CSPP1: variants seen among roughly 807,000 people sequenced by gnomAD.
The protein encoded by CSPP1 is centrosome and spindle pole associated protein 1.
CSPP1 carries 126 observed loss-of-function variants against 164.4 expected under a neutral mutation model. That is an observed-to-expected ratio of 0.77 (90% CI 0.66 to 0.89). CSPP1 has a LOEUF of 0.89. Among genes scored for constraint, CSPP1 ranks in the 40% least tolerant of loss-of-function variants. The pLI, the probability that CSPP1 is intolerant of heterozygous loss-of-function variation, is 0.00. For synonymous variants in CSPP1, 472 were observed against 476.7 expected (o/e 0.99, Z 0.13); for missense variants, 1,395 against 1,449.8 (o/e 0.96, Z 0.61).
Position 67,064,545 on chromosome 8 carries a change from C to T in CSPP1, c.-11+7C>T, listed in dbSNP as rs755924670. Reference sequence around the variant, plus strand: ...GGGGAGCGTGAGTGGCGAGGTGTGGCCTGGGGTGGTGTAGGTTGAGGGTGG... The same window carrying T: ...GGGGAGCGTGAGTGGCGAGGTGTGGTCTGGGGTGGTGTAGGTTGAGGGTGG... On this transcript the variant is annotated splice_region_variant and intron_variant, in intron 1 of 30. Transcript: ENST00000678616. 5.0e-6 allele frequency: 8 copies of T among 1,602,600 alleles called. No individual in the cohort carries two copies. In the East Asian group the frequency reaches 6.7e-5, roughly 13 times the overall value.
Position 67,074,304 on chromosome 8 carries a change from G to C in CSPP1, c.52G>C (p.Glu18Gln), listed in dbSNP as rs770271054. Residue 18 changes from glutamate (E) to glutamine (Q), a missense_variant, in exon 2 of 31, where the codon GAA (glutamate) becomes CAA (glutamine). Transcript: ENST00000678616. Reference protein sequence around the residue: ...FIEEQKARLAEDKAELESDPP... With the variant: ...FIEEQKARLAQDKAELESDPP... ...TGAAGAGCAAAAAGCCAGATTGGCC[G>C]AAGACAAAGCAGAGTTGGAAAGTGA... 1.9e-6 allele frequency: 3 copies of C among 1,610,938 alleles called. No individual in the cohort carries two copies. The highest frequency in any genetic ancestry group is 1.7e-6 in the Non-Finnish European group (2 of 1,178,456).
At chr8:67,163,830 G>A in intron 23 of CSPP1, 32 bp downstream of exon 23, 1 of 1,486,654 alleles carries the variant, frequency 6.7e-7, no homozygotes, top group Non-Finnish European at 9.3e-7. Context: ...GTTACCTAGA[G>A]TATTTCTCTT....
Position 67,172,428 on chromosome 8 carries a change from G to A in CSPP1, c.2841G>A (p.Arg947=), listed in dbSNP as rs368660068. Residue 947 remains arginine (R), a synonymous_variant, in exon 25 of 31, where the codon AGG becomes AGA. Transcript: ENST00000678616. ...CATTTATCTATAGGAAAAAGGAAAG[G>A]AATCCCATGGATATATTTGATATGG... ...DDEIPIRKKE[R]NPMDIFDMAR... The A allele has an allele frequency of 1.1e-5, 17 of 1,611,942 alleles. No individual in the cohort carries two copies. In the African/African-American group the frequency reaches 1.7e-4, roughly 16 times the overall value.
intron 1 of CSPP1, among the ~76,000 whole-genome samples, chr8:67,065,241 T>C (rs1805303014): frequency 6.6e-6 from 1 of 152,208 alleles, no homozygotes. Flanking sequence ...CTCTTGTTTC[T>C]AACTGCCTTG....
At chr8:67,125,306 G>A (rs1259535472) in intron 15 of CSPP1, among the ~76,000 whole-genome samples, 1 of 152,064 alleles carries the variant, frequency 6.6e-6, no homozygotes, top group East Asian at 1.9e-4. Flanking sequence ...TAGCCTTTAT[G>A]GTTTCTGATA....
At chr8:67,188,774 C>T (rs1425510399) in intron 28 of CSPP1, among the ~76,000 whole-genome samples, 1 of 152,214 alleles carries the variant, frequency 6.6e-6, no homozygotes, top group Non-Finnish European at 1.5e-5. Context: ...TGCTCCCAAT[C>T]AGGCTAAAGG....
At chr8:67,170,400 G>A (rs1296409211) in intron 24 of CSPP1, among the ~76,000 whole-genome samples, 7 of 152,086 alleles carry the variant, frequency 4.6e-5, no homozygotes, top group Admixed American at 4.6e-4. Flanking sequence ...AGGTTGCAGT[G>A]AGCTGAGATT....
chr8:67,159,330 C>A (rs1458313390), intron 21 of CSPP1, among the ~76,000 whole-genome samples, 193 bp downstream of exon 21: 1 of 151,940 alleles, frequency 6.6e-6, no homozygotes, highest in Non-Finnish European at 1.5e-5. Context: ...TTGGTATTTT[C>A]TGTCCATTGA....
rs556447983 is a variant in CSPP1, at chr8:67,138,133, A to T, written c.1975+530A>T. 7.2e-5 allele frequency among the ~76,000 whole-genome samples: 11 copies of T among 152,280 alleles called. No individual in the cohort carries two copies. In the East Asian group the frequency reaches 2.1e-3, roughly 29 times the overall value. On this transcript the variant is annotated intron_variant, in intron 17 of 30. Coordinates refer to ENST00000678616, the MANE Select transcript of CSPP1 (RefSeq NM_001382391.1). ...TTGTTGATTTATCTTTCAATTATGTACTCTCAAAAATGTTTGATCTAGTAA... is the reference window on the plus strand; with the variant it reads ...TTGTTGATTTATCTTTCAATTATGTTCTCTCAAAAATGTTTGATCTAGTAA...
intron 15 of CSPP1, among the ~76,000 whole-genome samples, chr8:67,122,468 TA>T: frequency 6.6e-6 from 1 of 152,360 alleles, no homozygotes; most frequent in African/African-American, 2.4e-5. Flanking sequence ...TTCCAATTTT[TA>T]AAAATTTCTT....
intron 28 of CSPP1, among the ~76,000 whole-genome samples, chr8:67,183,843 ATTTTTTTTTTTTTTTTT>A (rs918103972): frequency 3.7e-5 from 4 of 108,214 alleles, no homozygotes; most frequent in Admixed American, 2.1e-4. Flanking sequence ...AAAATTGGGA[ATTTTTTTTTTTTTTTTT>A]TTTTTTTTTT....
At chr8:67,092,384 T>A (rs1213976542) in intron 5 of CSPP1, among the ~76,000 whole-genome samples, 1 of 152,176 alleles carries the variant, frequency 6.6e-6, no homozygotes, top group Non-Finnish European at 1.5e-5. Context: ...ATATCAGAGA[T>A]CATGAAATAG....
chr8:67,074,786 C>CT (rs397945936), intron 2 of CSPP1: 9,088 of 267,212 alleles, frequency 0.034, 30 homozygotes, highest in South Asian at 0.051. Flanking sequence ...AAAATAATTG[C>CT]TTTTTTTTTT....
chr8:67,107,197 G>A (rs1053814604), intron 9 of CSPP1, among the ~76,000 whole-genome samples: 1 of 152,020 alleles, frequency 6.6e-6, no homozygotes, highest in Non-Finnish European at 1.5e-5. Flanking sequence ...ACAGGCATGT[G>A]CCACCATGCC....
In CSPP1 at chr8:67,159,957, C is replaced by CCTTCTTTTCTTTTCT. The variant is rs1554605789; in HGVS notation, c.2538+820_2538+821insCTTCTTTTCTTTTCT. Among the ~76,000 whole-genome samples, 65 of 20,020 alleles carry CCTTCTTTTCTTTTCT rather than the reference C, an allele frequency of 3.2e-3. 8 individuals carry two copies. Among genetic ancestry groups the CCTTCTTTTCTTTTCT allele is most frequent in the East Asian group, 4.4e-3 (3 of 688 alleles). 13.1% of individuals were successfully genotyped at this position (20,020 alleles called of 152,430 possible). On this transcript the variant is annotated intron_variant, in intron 21 of 30. Coordinates refer to ENST00000678616, the MANE Select transcript of CSPP1 (RefSeq NM_001382391.1). Reference sequence around the variant, plus strand: ...TCCTTCCTTCCTTCCTTCCTTCCTTCTTTCTTTTCTTTTCTTTTCTTTTCT... The same window carrying CCTTCTTTTCTTTTCT: ...TCCTTCCTTCCTTCCTTCCTTCCTTCCTTCTTTTCTTTTCTTTTCTTTTCTTTTCTTTTCTTTTCT...
At chr8:67,107,041 T>C (rs1586151229) in intron 9 of CSPP1, among the ~76,000 whole-genome samples, 1 of 151,954 alleles carries the variant, frequency 6.6e-6, no homozygotes, top group East Asian at 1.9e-4. Context: ...TATATTCTTA[T>C]GTTTTGTTTT....
At chr8:67,146,147 A>G (rs1206928981) in intron 17 of CSPP1, among the ~76,000 whole-genome samples, 2 of 146,928 alleles carry the variant, frequency 1.4e-5, no homozygotes, top group African/African-American at 5.0e-5. Flanking sequence ...TTTTGAGACA[A>G]GGTCTCACTC....
intron 15 of CSPP1, among the ~76,000 whole-genome samples, chr8:67,120,526 A>C (rs1029724698): frequency 2.0e-5 from 3 of 152,128 alleles, no homozygotes; most frequent in African/African-American, 4.8e-5. Context: ...ATGTCTTTTA[A>C]AATTTCTTTC....
At chr8:67,086,216 G>A (rs1810371219) in intron 4 of CSPP1, 106 bp downstream of exon 4, 1 of 763,716 alleles carries the variant, frequency 1.3e-6, no homozygotes, top group Non-Finnish European at 2.4e-6. Context: ...GTTTTCAGTG[G>A]TACTAGCAAA....
Sources: allele counts gnomAD v4.1 joint callset (sites outside exome capture counted in the v4.1 genomes callset), GRCh38; gene constraint gnomAD v4.1.1; transcripts MANE v1.5; gene names NCBI Gene and HGNC (gene_info 2026-07-23, HGNC 2026-07-21).